IAH1: variants seen among roughly 807,000 people sequenced by gnomAD.
The protein encoded by IAH1 is isoamyl acetate-hydrolyzing esterase 1 homolog.
A neutral mutation model predicts 26.7 loss-of-function variants in IAH1; 24 were observed. The ratio of observed to expected loss-of-function variants is 0.90; its 90% CI spans 0.65 to 1.26. The LOEUF is 1.26. Among genes scored for constraint, IAH1 ranks in the 50% most tolerant of loss-of-function variants. The pLI, the probability that IAH1 is intolerant of heterozygous loss-of-function variation, is 0.00. For missense variants in IAH1, 300 were observed against 299.9 expected, an observed-to-expected ratio of 1.00 and a Z score of 0.00; for synonymous variants, 140 against 118.5, an observed-to-expected ratio of 1.18 and a Z score of -1.18.
downstream of IAH1, chr2:9,497,163 G>A (rs771307389): frequency 6.2e-7 from 1 of 1,614,210 alleles, no homozygotes; most frequent in Non-Finnish European, 8.5e-7. Context: ...AGAAAGGGAT[G>A]CATTTCCCAT....
the IAH1 span, among the ~76,000 whole-genome samples, chr2:9,508,699 C>A: frequency 6.9e-4 from 105 of 152,268 alleles, no homozygotes; most frequent in African/African-American, 2.4e-3. Context: ...GGGCTAGTGG[C>A]TACTATACTG....
At chr2:9,477,180 C>A (rs35584910) in intron 2 of IAH1, among the ~76,000 whole-genome samples, 27,104 of 152,158 alleles carry the variant, frequency 0.18, 2,547 homozygotes, top group Middle Eastern at 0.29. Context: ...TAAATGCCAC[C>A]TGAGAACTTT....
downstream of IAH1, chr2:9,493,721 G>GT (rs1662339945): frequency 6.3e-7 from 1 of 1,597,384 alleles, no homozygotes; most frequent in Admixed American, 1.7e-5. Flanking sequence ...TCAGCTCTCA[G>GT]TAAGTAATCT....
In IAH1 at chr2:9,488,540, T is replaced by C. The variant is rs1243085592; in HGVS notation, c.*211T>C. 4.6e-5 allele frequency: 18 copies of C among 387,846 alleles called. No homozygotes were observed. Among genetic ancestry groups the C allele is most frequent in the Non-Finnish European group, 8.2e-5 (18 of 220,122 alleles). The allele number at this position is 387,846 out of a possible 1,614,324, so 24.0% of individuals were successfully genotyped here. ...ATATCAGTGCTACAGCTATAAAATA[T>C]ACCCTGAGCAGCTTGTTAATTCTAT... On this transcript the variant is annotated 3_prime_UTR_variant, in exon 6 of 6. Coordinates refer to ENST00000497473, the MANE Select transcript of IAH1 (RefSeq NM_001039613.3).
At chr2:9,508,991 C>CAA in the IAH1 span, among the ~76,000 whole-genome samples, 198 of 150,342 alleles carry the variant, frequency 1.3e-3, 2 homozygotes, top group African/African-American at 4.2e-3. Flanking sequence ...CATAAAAAGC[C>CAA]AAAAAAAAAT....
rs1572828695 is a variant in IAH1 at position 9,476,057 on chromosome 2, T to C, written c.134+18T>C. On this transcript the variant is annotated intron_variant, in intron 2 of 5. Transcript: ENST00000497473. ...CTGGTCAGGTGAGAATGGTTTCCGA[T>C]ACTTGAGTTCTTATGGATGGAAAAT... 1.9e-6 allele frequency: 3 copies of C among 1,604,678 alleles called. No homozygotes were observed. The highest frequency in any genetic ancestry group is 2.2e-5 in the East Asian group (1 of 44,844).
chr2:9,501,633 C>G, the IAH1 span, among the ~76,000 whole-genome samples: 1 of 152,158 alleles, frequency 6.6e-6, no homozygotes, highest in Admixed American at 6.5e-5. Context: ...AAACTGGTTA[C>G]CCTTCTAACT....
At chr2:9,479,090 G>A (rs758709383) in intron 3 of IAH1, among the ~76,000 whole-genome samples, 1 of 152,158 alleles carries the variant, frequency 6.6e-6, no homozygotes, top group South Asian at 2.1e-4. Context: ...ACCAACTGCA[G>A]TAAGAGGAAT....
the IAH1 span, chr2:9,502,212 C>T: frequency 6.2e-7 from 1 of 1,614,144 alleles, no homozygotes; most frequent in Non-Finnish European, 8.5e-7. Context: ...GCATTAATCG[C>T]CTCCTGGCAC....
intron 3 of IAH1, among the ~76,000 whole-genome samples, chr2:9,480,158 A>T (rs116805787): frequency 0.051 from 7,705 of 152,150 alleles, 255 homozygotes; most frequent in Non-Finnish European, 0.075. Flanking sequence ...TACAGTACGG[A>T]AACATCATGT....
Position 9,484,329 on chromosome 2 carries a change from AT to A in IAH1, c.446-100del. ...CGGGGCTGGCCCAAGTGGGGTCAAT[AT>A]TTAATGGCATTTTGAAACTGTCTAG... On this transcript the variant is annotated intron_variant, in intron 4 of 5. Coordinates refer to ENST00000497473, the MANE Select transcript of IAH1 (RefSeq NM_001039613.3). 3 of 926,036 alleles carry A rather than the reference AT, an allele frequency of 3.2e-6. No individual in the cohort carries two copies. The South Asian group carries it at 4.3e-5, about 13-fold the overall frequency. The allele number at this position is 926,036 out of a possible 1,614,324, so 57.4% of individuals were successfully genotyped here. A position where few individuals can be genotyped will look rare whatever the true frequency, so the allele number is the denominator to read the frequency against.
chr2:9,483,769 G>T (rs921319023), intron 4 of IAH1, among the ~76,000 whole-genome samples: 5 of 152,138 alleles, frequency 3.3e-5, no homozygotes, highest in African/African-American at 1.2e-4. Flanking sequence ...CTGCACTTGT[G>T]TTAGATACAC....
chr2:9,487,960 A>G (rs1333087087), intron 5 of IAH1, among the ~76,000 whole-genome samples, 187 bp from the exon 6 acceptor site: 1 of 152,074 alleles, frequency 6.6e-6, no homozygotes, highest in Admixed American at 6.6e-5. Context: ...TCGCCTCCCA[A>G]GTAGGTGGGA....
At chr2:9,496,285 C>A (rs1662593623) in intron 6 of IAH1, 1 of 152,044 alleles carries the variant, frequency 6.6e-6, no homozygotes, top group Non-Finnish European at 1.5e-5. Flanking sequence ...TACGCTACCA[C>A]ACCCGGCTAA....
At chr2:9,503,130 A>ACT in the IAH1 span, among the ~76,000 whole-genome samples, 3 of 142,814 alleles carry the variant, frequency 2.1e-5, no homozygotes, top group East Asian at 6.1e-4. Context: ...ACAGGGCGAG[A>ACT]CTCTCTCAAA....
At chr2:9,475,488 CT>C (rs60057180) in intron 1 of IAH1, among the ~76,000 whole-genome samples, 4,359 of 143,958 alleles carry the variant, frequency 0.03, 162 homozygotes, top group African/African-American at 0.1. Flanking sequence ...TTCTGTTTAG[CT>C]TTTTTTTTTT....
At chr2:9,512,225 G>C in the IAH1 span, 1 of 151,608 alleles carries the variant, frequency 6.6e-6, no homozygotes, top group Admixed American at 6.6e-5. Context: ...AACTGCTTGG[G>C]GAAAATTCAT....
At chr2:9,505,388 G>A in the IAH1 span, 2 of 1,589,260 alleles carry the variant, frequency 1.3e-6, no homozygotes, top group Non-Finnish European at 8.6e-7. Flanking sequence ...AAGGCAATAA[G>A]GACCCAAAAT....
intron 6 of IAH1, among the ~76,000 whole-genome samples, chr2:9,495,648 A>T (rs1413874915): frequency 6.6e-6 from 1 of 150,720 alleles, no homozygotes; most frequent in Non-Finnish European, 1.5e-5. Flanking sequence ...CGGGAGGCGG[A>T]GGCTGCGGTG....
Sources: gnomAD v4.1 joint callset for allele counts (sites outside exome capture counted in the v4.1 genomes callset) on GRCh38, gnomAD v4.1.1 for gene constraint, MANE v1.5 for transcripts, NCBI Gene and HGNC (gene_info 2026-07-23, HGNC 2026-07-21) for gene names.